Variants in ROR2 observed in about 807,000 individuals in gnomAD.
ROR2 encodes the protein tyrosine-protein kinase transmembrane receptor ROR2.
A neutral mutation model predicts 74.9 loss-of-function variants in ROR2; 33 were observed. The ratio of observed to expected loss-of-function variants is 0.44; its 90% confidence interval spans 0.33 to 0.59. ROR2 has a LOEUF of 0.59. Among genes scored for constraint, ROR2 ranks in the 20% least tolerant of loss-of-function variants. The pLI is 0.02. For missense variants in ROR2, 1,216 were observed against 1,313.8 expected (o/e 0.93, Z 1.15); for synonymous variants, 586 against 558.7 (o/e 1.05, Z -0.69).
intron 3 of ROR2, among the ~76,000 whole-genome samples, chr9:91,756,537 C>T (rs7864963): frequency 2.2e-4 from 34 of 151,948 alleles, no homozygotes; most frequent in Admixed American, 3.9e-4. Flanking sequence ...CTCTGGTCAT[C>T]GCACTCAGCT....
chr9:91,860,986 A>T (rs1302308879), intron 1 of ROR2, among the ~76,000 whole-genome samples: 1 of 152,172 alleles, frequency 6.6e-6, no homozygotes, highest in Non-Finnish European at 1.5e-5. Context: ...AAATGAAACC[A>T]AGTTAACTCC....
At position 91,807,157 on chromosome 9, in the gene ROR2, AG is replaced by A. The variant is rs566546115; in HGVS notation, c.98-31340del. 1.9e-3 allele frequency among the ~76,000 whole-genome samples: 296 copies of A among 152,314 alleles called. 2 individuals are homozygous for A. Among genetic ancestry groups the A allele is most frequent in the African/African-American group, 6.7e-3 (280 of 41,582 alleles). On this transcript the variant is annotated intron_variant, in intron 1 of 8. Coordinates refer to ENST00000375708, the MANE Select transcript of ROR2 (RefSeq NM_004560.4). Reference sequence around the variant, plus strand: ...AATTTGAACAGACGGTCCTTGCTGGAGTTAGATCATATCCTTTTTATCCAAT... The same window carrying A: ...AATTTGAACAGACGGTCCTTGCTGGATTAGATCATATCCTTTTTATCCAAT...
At chr9:91,841,632 A>G (rs1828784969) in intron 1 of ROR2, among the ~76,000 whole-genome samples, 1 of 152,244 alleles carries the variant, frequency 6.6e-6, no homozygotes, top group Non-Finnish European at 1.5e-5. Flanking sequence ...GCTGGTGCTC[A>G]GCAGTACAGC....
chr9:91,862,883 A>G (rs1421880693), intron 1 of ROR2, among the ~76,000 whole-genome samples: 1 of 152,256 alleles, frequency 6.6e-6, no homozygotes, highest in Non-Finnish European at 1.5e-5. Flanking sequence ...CTAAATAGTA[A>G]AAAAGGCAAC....
intron 1 of ROR2, among the ~76,000 whole-genome samples, chr9:91,889,914 C>G (rs1216218875): frequency 6.6e-6 from 1 of 152,182 alleles, no homozygotes; most frequent in Non-Finnish European, 1.5e-5. Flanking sequence ...CCCATAAGAA[C>G]AGTGGGTATA....
intron 1 of ROR2, among the ~76,000 whole-genome samples, chr9:91,792,988 G>A (rs990961868): frequency 3.3e-5 from 5 of 152,206 alleles, no homozygotes; most frequent in Non-Finnish European, 7.3e-5. Flanking sequence ...TCTATCAAAT[G>A]TTTAGAGAAG....
At chr9:91,811,157 C>G (rs1827737880) in intron 1 of ROR2, among the ~76,000 whole-genome samples, 1 of 152,254 alleles carries the variant, frequency 6.6e-6, no homozygotes, top group African/African-American at 2.4e-5. Context: ...CCACACCTCC[C>G]CTAGGCCGGG....
intron 4 of ROR2, among the ~76,000 whole-genome samples, chr9:91,738,108 T>C (rs959876049): frequency 4.6e-5 from 7 of 152,130 alleles, no homozygotes; most frequent in South Asian, 4.1e-4. Context: ...GCAAAACCCA[T>C]AGAAGGTAAA....
chr9:91,899,043 G>A (rs922295206), intron 1 of ROR2, among the ~76,000 whole-genome samples: 5 of 152,160 alleles, frequency 3.3e-5, no homozygotes, highest in Non-Finnish European at 7.3e-5. Context: ...ATGGCAGCCC[G>A]CTTCAGCACG....
intron 3 of ROR2, 152 bp downstream of exon 3, chr9:91,757,120 G>A (rs1003978952): frequency 3.1e-6 from 3 of 980,952 alleles, no homozygotes; most frequent in Non-Finnish European, 4.7e-6. Flanking sequence ...CTGGGCCCTG[G>A]GGCACATGGG....
chr9:91,817,184 T>C (rs1268089902), intron 1 of ROR2, among the ~76,000 whole-genome samples: 1 of 152,138 alleles, frequency 6.6e-6, no homozygotes, highest in Non-Finnish European at 1.5e-5. Context: ...TGGCTTGGCA[T>C]TTCTCTCAGC....
chr9:91,847,750 G>A (rs1828973341), intron 1 of ROR2, among the ~76,000 whole-genome samples: 1 of 152,104 alleles, frequency 6.6e-6, no homozygotes. Flanking sequence ...AGGAGATGCT[G>A]GTCGCAGGAA....
At chr9:91,864,341 A>G (rs1245270757) in intron 1 of ROR2, among the ~76,000 whole-genome samples, 1 of 152,204 alleles carries the variant, frequency 6.6e-6, no homozygotes, top group Non-Finnish European at 1.5e-5. Flanking sequence ...AAGTCCTGCC[A>G]CAAGTCCACA....
intron 1 of ROR2, among the ~76,000 whole-genome samples, chr9:91,828,327 T>C (rs1038084978): frequency 4.6e-5 from 7 of 152,250 alleles, no homozygotes; most frequent in Non-Finnish European, 8.8e-5. Flanking sequence ...TGATGATACA[T>C]AGGAAATCTT....
rs1439534981 is a variant in ROR2, at chr9:91,875,264, A to C, written c.97+74603T>G. On this transcript the variant is annotated intron_variant, in intron 1 of 8. Coordinates refer to ENST00000375708, the MANE Select transcript of ROR2 (RefSeq NM_004560.4). ...TGAAGAAGAATTGTTTAAATGAACA[A>C]GAATTTGACTAAATCAAAAGTAACA... Among the ~76,000 whole-genome samples the C allele has an allele frequency of 4.6e-5, 7 of 152,398 alleles. No individual in the cohort carries two copies. In the South Asian group the frequency reaches 1.4e-3, roughly 32 times the overall value.
At chr9:91,786,415 T>C (rs1394903073) in intron 1 of ROR2, among the ~76,000 whole-genome samples, 1 of 151,866 alleles carries the variant, frequency 6.6e-6, no homozygotes, top group African/African-American at 2.4e-5. Context: ...ACTTCCAGAG[T>C]GGCAGAGTGA....
At chr9:91,915,601 C>T (rs146682142) in intron 1 of ROR2, among the ~76,000 whole-genome samples, 167 of 152,056 alleles carry the variant, frequency 1.1e-3, no homozygotes, top group African/African-American at 3.6e-3. Context: ...GATTCCACAG[C>T]CATGGAAGGG....
At chr9:91,881,400 TTTAAA>T (rs1374947949) in intron 1 of ROR2, among the ~76,000 whole-genome samples, 1 of 152,232 alleles carries the variant, frequency 6.6e-6, no homozygotes, top group Non-Finnish European at 1.5e-5. Flanking sequence ...AAACTCCAAC[TTTAAA>T]TGAAATGACA....
chr9:91,832,917 G>A (rs1328563600), intron 1 of ROR2, among the ~76,000 whole-genome samples: 2 of 152,206 alleles, frequency 1.3e-5, no homozygotes, highest in Admixed American at 1.3e-4. Context: ...AAAGGAGGAA[G>A]AGAGATGCCA....
Sources: allele counts gnomAD v4.1 joint callset (sites outside exome capture counted in the v4.1 genomes callset), GRCh38; gene constraint gnomAD v4.1.1; transcripts MANE v1.5; gene names NCBI Gene and HGNC (gene_info 2026-07-23, HGNC 2026-07-21).